Variants in RAPGEF5 observed in about 807,000 individuals in gnomAD.
RAPGEF5 encodes the protein Rap guanine nucleotide exchange factor 5, also known as M-Ras-regulated GEF.
RAPGEF5 carries 65 observed loss-of-function variants against 125.2 expected under a neutral mutation model. The observed-to-expected ratio is 0.52, with a 90% CI of 0.43 to 0.64. RAPGEF5 has a LOEUF of 0.64. RAPGEF5 is among the 30% of genes least tolerant of loss of function. RAPGEF5 has a pLI of 0.00. For synonymous variants in RAPGEF5, 391 were observed against 385.9 expected, an observed-to-expected ratio of 1.01 and a Z score of -0.16; for missense variants, 958 against 1,048.1, an observed-to-expected ratio of 0.91 and a Z score of 1.19.
chr7:22,259,119 G>T (rs944204143), intron 7 of RAPGEF5, among the ~76,000 whole-genome samples: 1 of 152,026 alleles, frequency 6.6e-6, no homozygotes, highest in African/African-American at 2.4e-5. Context: ...ATCTGATAAA[G>T]AACTGTTATC....
At chr7:22,212,277 A>G (rs1421920059) in intron 9 of RAPGEF5, among the ~76,000 whole-genome samples, 2 of 152,142 alleles carry the variant, frequency 1.3e-5, no homozygotes, top group African/African-American at 2.4e-5. Context: ...CCGGCCTCAC[A>G]TGTGTTCTTT....
intron 7 of RAPGEF5, among the ~76,000 whole-genome samples, chr7:22,250,589 A>G (rs1394025161): frequency 6.6e-6 from 1 of 152,246 alleles, no homozygotes; most frequent in African/African-American, 2.4e-5. Context: ...TAGCTGGGTC[A>G]TACGGCCAGG....
intron 9 of RAPGEF5, among the ~76,000 whole-genome samples, chr7:22,198,168 C>A (rs13229289): frequency 2.8e-4 from 42 of 152,036 alleles, no homozygotes; most frequent in Admixed American, 1.9e-3. Flanking sequence ...CACCTTAAAT[C>A]TCTAAGAATA....
intron 5 of RAPGEF5, among the ~76,000 whole-genome samples, chr7:22,303,333 T>C (rs1439962032): frequency 1.3e-5 from 2 of 152,240 alleles, no homozygotes; most frequent in African/African-American, 4.8e-5. Context: ...TCACTTTTTT[T>C]TTCTAATTAT....
At chr7:22,306,518 G>A (rs1454546613) in intron 5 of RAPGEF5, among the ~76,000 whole-genome samples, 1 of 152,146 alleles carries the variant, frequency 6.6e-6, no homozygotes, top group Non-Finnish European at 1.5e-5. Context: ...TCTGTGGGTT[G>A]TCTCTTCAAT....
At chr7:22,330,843 G>GT (rs1355808724) in intron 1 of RAPGEF5, among the ~76,000 whole-genome samples, 1 of 152,138 alleles carries the variant, frequency 6.6e-6, no homozygotes, top group Non-Finnish European at 1.5e-5. Context: ...GGTCAATGTC[G>GT]TTTTTAGTAA....
At chr7:22,237,878 A>C (rs1786232271) in intron 7 of RAPGEF5, among the ~76,000 whole-genome samples, 1 of 152,234 alleles carries the variant, frequency 6.6e-6, no homozygotes, top group Non-Finnish European at 1.5e-5. Context: ...TTCAGACAGT[A>C]ATAATTATAA....
intron 1 of RAPGEF5, among the ~76,000 whole-genome samples, chr7:22,351,917 A>G (rs1784338294): frequency 6.6e-6 from 1 of 152,182 alleles, no homozygotes; most frequent in South Asian, 2.1e-4. Flanking sequence ...TCATCTGGGC[A>G]AAGAAAAAGA....
chr7:22,164,226 G>A (rs1310201168), intron 12 of RAPGEF5, among the ~76,000 whole-genome samples: 2 of 152,138 alleles, frequency 1.3e-5, no homozygotes, highest in African/African-American at 4.8e-5. Flanking sequence ...AGCTAGTTGG[G>A]ATGCAGAGAC....
chr7:22,291,355 A>G (rs1271968990), intron 5 of RAPGEF5, 114 bp from the exon 6 acceptor site: 1 of 1,409,638 alleles, frequency 7.1e-7, no homozygotes, highest in East Asian at 2.5e-5. Flanking sequence ...TAGCAAAAGT[A>G]CTCATGAAAA....
chr7:22,214,349 A>G (rs530223053), intron 9 of RAPGEF5, among the ~76,000 whole-genome samples: 1 of 152,188 alleles, frequency 6.6e-6, no homozygotes, highest in Admixed American at 6.5e-5. Context: ...TACAGACAGG[A>G]TCCCTAGGGA....
chr7:22,148,132 G>A (rs1783503942), intron 18 of RAPGEF5, among the ~76,000 whole-genome samples: 1 of 152,190 alleles, frequency 6.6e-6, no homozygotes, highest in African/African-American at 2.4e-5. Flanking sequence ...AAATGTAGAG[G>A]TGTTGAGGTG....
At chr7:22,162,284 A>T in intron 13 of RAPGEF5, 113 bp downstream of exon 13, 1 of 1,106,028 alleles carries the variant, frequency 9.0e-7, no homozygotes, top group Non-Finnish European at 1.3e-6. Context: ...TCACAACTTG[A>T]CTATCACAAG....
intron 23 of RAPGEF5, among the ~76,000 whole-genome samples, chr7:22,132,526 C>T (rs910550722): frequency 3.3e-5 from 5 of 152,296 alleles, no homozygotes; most frequent in African/African-American, 4.8e-5. Context: ...TTCCGTGACA[C>T]GGTATTCAGA....
intron 18 of RAPGEF5, 136 bp downstream of exon 18, chr7:22,150,271 T>C (rs75498590): frequency 0.023 from 17,995 of 777,572 alleles, 281 homozygotes; most frequent in Middle Eastern, 0.057. Context: ...GAGACAGGGT[T>C]GCAAACTTCT....
At chr7:22,250,710 A>G (rs1304497358) in intron 7 of RAPGEF5, among the ~76,000 whole-genome samples, 1 of 152,228 alleles carries the variant, frequency 6.6e-6, no homozygotes, top group East Asian at 1.9e-4. Flanking sequence ...AAAGTCGATA[A>G]AATGAAAAAA....
At chr7:22,244,086 T>C (rs985163891) in intron 7 of RAPGEF5, among the ~76,000 whole-genome samples, 1 of 152,206 alleles carries the variant, frequency 6.6e-6, no homozygotes, top group African/African-American at 2.4e-5. Context: ...CTTAGCAAAA[T>C]GTCCTCCAAG....
intron 24 of RAPGEF5, among the ~76,000 whole-genome samples, chr7:22,127,586 C>T (rs1021632310): frequency 6.6e-6 from 1 of 152,206 alleles, no homozygotes; most frequent in Non-Finnish European, 1.5e-5. Context: ...TGTTCTAGTT[C>T]TCTTGAGAAT....
At position 22,165,475 on chromosome 7, in the gene RAPGEF5, G is replaced by A. The variant is rs1184952042; in HGVS notation, c.1283+1595C>T. ...GAAGAAAGATGTTCAAAATCTTATC[G>A]CTATTGCTAAATGTCTTAGCAACAC... is the stretch of plus-strand genomic sequence containing the variant. On this transcript the variant is annotated intron_variant, in intron 12 of 25. Transcript: ENST00000665637. Among the ~76,000 whole-genome samples, 7 of 151,958 alleles carry A rather than the reference G, an allele frequency of 4.6e-5. No homozygotes were observed. The East Asian group carries it at 5.8e-4, about 13-fold the overall frequency.
Sources: gnomAD v4.1 joint callset for allele counts (sites outside exome capture counted in the v4.1 genomes callset) on GRCh38, gnomAD v4.1.1 for gene constraint, MANE v1.5 for transcripts, NCBI Gene and HGNC (gene_info 2026-07-23, HGNC 2026-07-21) for gene names.